Variants in CFAP20DC observed in about 807,000 individuals in gnomAD.
The protein encoded by CFAP20DC is protein CFAP20DC.
Under a neutral mutation model 101.7 loss-of-function variants are expected in CFAP20DC, and 84 were observed. That is an observed-to-expected ratio of 0.83 (90% CI 0.69 to 0.99). CFAP20DC has a LOEUF of 0.99. Ranked by LOEUF, CFAP20DC falls within the 50% of genes least tolerant of loss-of-function variation. CFAP20DC has a pLI of 0.00. For synonymous variants in CFAP20DC, 359 were observed against 351.2 expected, an observed-to-expected ratio of 1.02 and a Z score of -0.25; for missense variants, 1,007 against 970.3, an observed-to-expected ratio of 1.04 and a Z score of -0.50.
rs536294246 is a variant in CFAP20DC at position 58,813,174 on chromosome 3, C to T, written c.2176-6718G>A. On this transcript the variant is annotated intron_variant, in intron 14 of 16. Transcript: ENST00000482387. Reference sequence around the variant, plus strand: ...TAAGCTGAAAAAAATGATGCCAATACCTAACAAAAATGTGAAATCTCAAAT... The same window carrying T: ...TAAGCTGAAAAAAATGATGCCAATATCTAACAAAAATGTGAAATCTCAAAT... 2.0e-5 allele frequency among the ~76,000 whole-genome samples: 3 copies of T among 151,918 alleles called. No homozygotes were observed. The South Asian group carries it at 6.2e-4, about 32-fold the overall frequency.
chr3:58,915,998 T>A (rs982105377), intron 5 of CFAP20DC, among the ~76,000 whole-genome samples: 1 of 152,132 alleles, frequency 6.6e-6, no homozygotes. Context: ...TCTCATTTTT[T>A]CCCTCAACAT....
At chr3:58,927,479 G>A (rs1488894295) in intron 5 of CFAP20DC, among the ~76,000 whole-genome samples, 1 of 152,200 alleles carries the variant, frequency 6.6e-6, no homozygotes, top group Non-Finnish European at 1.5e-5. Flanking sequence ...TTACAGAAGA[G>A]CTTGCAGCTT....
chr3:58,949,471 C>A (rs1559881725), intron 4 of CFAP20DC, among the ~76,000 whole-genome samples: 1 of 152,048 alleles, frequency 6.6e-6, no homozygotes, highest in Non-Finnish European at 1.5e-5. Flanking sequence ...CCCAGAGATT[C>A]TGGTATGTTG....
intron 4 of CFAP20DC, among the ~76,000 whole-genome samples, chr3:59,034,934 A>T (rs1283072009): frequency 2.0e-5 from 3 of 152,210 alleles, no homozygotes; most frequent in African/African-American, 7.2e-5. Flanking sequence ...TATCAACCAC[A>T]TAATAGGAAG....
At chr3:58,760,037 T>G (rs900551811) in intron 15 of CFAP20DC, among the ~76,000 whole-genome samples, 6 of 152,230 alleles carry the variant, frequency 3.9e-5, no homozygotes, top group Admixed American at 3.9e-4. Flanking sequence ...TGGTTTCATA[T>G]GAACTTTAAA....
chr3:59,043,416 G>C (rs1699580179), intron 3 of CFAP20DC, among the ~76,000 whole-genome samples: 2 of 152,040 alleles, frequency 1.3e-5, no homozygotes, highest in Admixed American at 1.3e-4. Flanking sequence ...TGAGGGCTGA[G>C]AACTGTCCAC....
In CFAP20DC at chr3:58,861,502, A is replaced by C. The variant is rs2079245450; in HGVS notation, c.1593+2056T>G. ...GATTTATACAATTAATAAATAGAAG[A>C]AGCTATCCTACAGGAAAAGAAATTA... On this transcript the variant is annotated intron_variant, in intron 12 of 16. Transcript: ENST00000482387. This position sits in a 1 kb window ranked among gnomAD's most constrained non-coding sequence, Gnocchi z 4.0. 7 of 937,030 alleles carry C rather than the reference A, an allele frequency of 7.5e-6. No individual in the cohort carries two copies. The highest frequency in any genetic ancestry group is 8.9e-6 in the Non-Finnish European group (7 of 785,882). 58.0% of individuals were successfully genotyped at this position (937,030 alleles called of 1,614,324 possible). A position where few individuals can be genotyped will look rare whatever the true frequency, so the allele number is the denominator to read the frequency against.
chr3:58,958,266 T>C lies in CFAP20DC; in HGVS notation c.279-20504A>G, dbSNP rs145103045. Reference sequence around the variant, plus strand: ...AAATTCACCTTTTCTGGATATTTCATATAAACGTAAAAAAATATATAAAAT... The same window carrying C: ...AAATTCACCTTTTCTGGATATTTCACATAAACGTAAAAAAATATATAAAAT... On this transcript the variant is annotated intron_variant, in intron 4 of 16. Coordinates refer to ENST00000482387, the MANE Select transcript of CFAP20DC (RefSeq NM_001394063.1). Among the ~76,000 whole-genome samples the C allele has an allele frequency of 5.8e-3, 885 of 152,344 alleles. 14 individuals carry two copies. The highest frequency in any genetic ancestry group is 7.5e-3 in the Non-Finnish European group (507 of 68,038).
rs2084357856 is a variant in CFAP20DC, at chr3:58,913,507, T to C, written c.550+201A>G. ...AAAGAAAACAACCACAAAAAGAAGA[T>C]TAATACCTTTTTTGTGACATTCAGC... On this transcript the variant is annotated intron_variant, in intron 6 of 16. Transcript: ENST00000482387. This position sits in a 1 kb window ranked among gnomAD's most constrained non-coding sequence, Gnocchi z 4.4. The C allele has an allele frequency of 3.2e-6, 2 of 617,332 alleles. No homozygotes were observed. The highest frequency in any genetic ancestry group is 3.7e-5 in the African/African-American group (2 of 54,044). The allele number at this position is 617,332 out of a possible 1,614,324, so 38.2% of individuals were successfully genotyped here.
intron 13 of CFAP20DC, among the ~76,000 whole-genome samples, chr3:58,841,125 C>A (rs925679278): frequency 1.3e-5 from 2 of 152,202 alleles, no homozygotes; most frequent in African/African-American, 4.8e-5. Context: ...GAGAACCACC[C>A]CTAAGTGAAC....
At chr3:58,946,587 C>T (rs1184626744) in intron 4 of CFAP20DC, among the ~76,000 whole-genome samples, 1 of 152,120 alleles carries the variant, frequency 6.6e-6, no homozygotes, top group African/African-American at 2.4e-5. Context: ...TATCCACTAC[C>T]CCAGTATCGC....
chr3:58,801,324 C>A (rs181596726), intron 15 of CFAP20DC, among the ~76,000 whole-genome samples: 3 of 152,186 alleles, frequency 2.0e-5, no homozygotes, highest in Non-Finnish European at 4.4e-5. Context: ...CAAATCATTA[C>A]GATTTAGTGC....
At position 58,987,670 on chromosome 3, in the gene CFAP20DC, C is replaced by T. The variant is rs187034695; in HGVS notation, c.279-49908G>A. ...GAACAAAAAACTGTATATACTTTTA[C>T]ATATATAGCTATCTATAAACTCTCA... On this transcript the variant is annotated intron_variant, in intron 4 of 16. Coordinates refer to ENST00000482387, the MANE Select transcript of CFAP20DC (RefSeq NM_001394063.1). 8.6e-5 allele frequency among the ~76,000 whole-genome samples: 13 copies of T among 152,018 alleles called. No individual in the cohort carries two copies. The East Asian group carries it at 2.5e-3, about 29-fold the overall frequency.
chr3:58,740,843 C>T (rs969336185), downstream of CFAP20DC, among the ~76,000 whole-genome samples: 21 of 152,150 alleles, frequency 1.4e-4, no homozygotes, highest in African/African-American at 4.8e-4. This position sits in a 1 kb window ranked among gnomAD's most constrained non-coding sequence, Gnocchi z 4.6. Flanking sequence ...AGCCCTATTA[C>T]AATCTTTAAG....
At chr3:58,758,961 A>C (rs1417025344) in intron 15 of CFAP20DC, among the ~76,000 whole-genome samples, 2 of 152,120 alleles carry the variant, frequency 1.3e-5, no homozygotes, top group African/African-American at 2.4e-5. Context: ...GGTTGGTTCC[A>C]AGTCTTTGCT....
At chr3:58,807,278 AC>A (rs1173103876) in intron 14 of CFAP20DC, among the ~76,000 whole-genome samples, 1 of 152,054 alleles carries the variant, frequency 6.6e-6, no homozygotes, top group Admixed American at 6.6e-5. Flanking sequence ...TGGGTCCCTG[AC>A]CCCTGACCTC....
chr3:58,812,576 G>C (rs1001089249), intron 14 of CFAP20DC, among the ~76,000 whole-genome samples: 2 of 151,520 alleles, frequency 1.3e-5, no homozygotes, highest in African/African-American at 4.9e-5. Flanking sequence ...GAGCGGGGAG[G>C]GATAGCATTA....
At chr3:58,809,332 C>G (rs931885579) in intron 14 of CFAP20DC, among the ~76,000 whole-genome samples, 1 of 152,220 alleles carries the variant, frequency 6.6e-6, no homozygotes, top group East Asian at 1.9e-4. Flanking sequence ...TGTAAAAGAA[C>G]AGAAATTATA....
intron 16 of CFAP20DC, among the ~76,000 whole-genome samples, chr3:58,746,472 C>A (rs1044459743): frequency 6.6e-6 from 1 of 152,140 alleles, no homozygotes; most frequent in African/African-American, 2.4e-5. Context: ...AATATATTTA[C>A]AACCAGTTGG....
Sources: allele counts gnomAD v4.1 joint callset (sites outside exome capture counted in the v4.1 genomes callset), GRCh38; gene constraint gnomAD v4.1.1; non-coding constraint Gnocchi (gnomAD v3.1); transcripts MANE v1.5; gene names NCBI Gene and HGNC (gene_info 2026-07-23, HGNC 2026-07-21).